Variants in MACROD1 observed in about 807,000 individuals in gnomAD.
MACROD1 encodes the protein ADP-ribose glycohydrolase MACROD1.
Under a neutral mutation model 41.4 loss-of-function variants are expected in MACROD1, and 31 were observed. The ratio of observed to expected loss-of-function variants is 0.75; its 90% CI spans 0.56 to 1.01. The LOEUF (loss-of-function observed/expected upper bound fraction) is 1.01, where lower values mean the gene tolerates loss of function less well. Ranked by LOEUF, MACROD1 falls within the 50% of genes least tolerant of loss-of-function variation. The pLI is 0.00. For synonymous variants in MACROD1, 252 were observed against 203.4 expected (o/e 1.24, Z -2.03); for missense variants, 473 against 460.0 (o/e 1.03, Z -0.26).
At chr11:64,097,902 C>A (rs1261745693) in intron 3 of MACROD1, among the ~76,000 whole-genome samples, 1 of 152,136 alleles carries the variant, frequency 6.6e-6, no homozygotes, top group Non-Finnish European at 1.5e-5. Context: ...TGGTGGTGCT[C>A]CTGGGAGCAC....
intron 3 of MACROD1, among the ~76,000 whole-genome samples, chr11:64,113,029 G>A (rs553231535): frequency 9.2e-5 from 14 of 152,310 alleles, no homozygotes; most frequent in African/African-American, 3.4e-4. Context: ...TCACCAAATG[G>A]TGTGACCTGC....
intron 3 of MACROD1, among the ~76,000 whole-genome samples, chr11:64,119,679 T>C (rs1358229390): frequency 1.3e-5 from 2 of 152,092 alleles, no homozygotes; most frequent in African/African-American, 4.8e-5. Context: ...CTCTGTTTCT[T>C]GAGAGGGAGA....
At chr11:63,999,310 T>C (rs1313713907) in intron 8 of MACROD1, 21 bp downstream of exon 8, 5 of 1,552,496 alleles carry the variant, frequency 3.2e-6, no homozygotes, top group Non-Finnish European at 3.5e-6. Context: ...GACCCCACCC[T>C]CGCCCGGGCC....
chr11:64,142,548 A>G (rs1034556260), intron 3 of MACROD1, among the ~76,000 whole-genome samples: 3 of 152,172 alleles, frequency 2.0e-5, no homozygotes, highest in African/African-American at 7.2e-5. Flanking sequence ...CCCCCAGCCA[A>G]TGCTCCACTC....
intron 3 of MACROD1, among the ~76,000 whole-genome samples, chr11:64,026,363 C>T (rs1164357379): frequency 6.6e-6 from 1 of 152,120 alleles, no homozygotes; most frequent in Non-Finnish European, 1.5e-5. Flanking sequence ...GGTGGAACTA[C>T]CCCACGCCCA....
intron 1 of MACROD1, among the ~76,000 whole-genome samples, chr11:64,161,804 T>C (rs1945760430): frequency 1.4e-5 from 2 of 142,080 alleles, no homozygotes; most frequent in South Asian, 4.7e-4. Flanking sequence ...AGCCCATGGC[T>C]CACACCTGTA....
chr11:64,159,569 C>T (rs899972832), intron 1 of MACROD1, among the ~76,000 whole-genome samples: 3 of 151,514 alleles, frequency 2.0e-5, no homozygotes, highest in Non-Finnish European at 4.4e-5. Flanking sequence ...CCAAGGCGGG[C>T]GGATCACCTG....
chr11:64,033,105 G>A (rs1243524063), intron 3 of MACROD1, among the ~76,000 whole-genome samples: 1 of 152,156 alleles, frequency 6.6e-6, no homozygotes, highest in Non-Finnish European at 1.5e-5. Flanking sequence ...TGTCAAAATC[G>A]ACTTGGCCCT....
rs1943377432 is a variant in MACROD1, at chr11:64,036,228, GCGGGGGC to G, written c.518-20954_518-20948del. 6.6e-6 allele frequency: 1 copy of G among 152,234 alleles called. No homozygotes were observed. The highest frequency in any genetic ancestry group is 1.5e-5 in the Non-Finnish European group (1 of 68,064). 9.4% of individuals were successfully genotyped at this position (152,234 alleles called of 1,614,324 possible). ...GGGACAGGGCGCCAGAGCCGACGGG[GCGGGGGC>G]CGGGGGCCCGGGGGCACCGAAGCGC... On this transcript the variant is annotated intron_variant, in intron 3 of 10. Transcript: ENST00000255681. This position sits in a 1 kb window ranked among gnomAD's most constrained non-coding sequence, Gnocchi z 5.6.
intron 3 of MACROD1, among the ~76,000 whole-genome samples, chr11:64,083,992 C>T (rs1364623360): frequency 2.3e-5 from 2 of 85,150 alleles, no homozygotes; most frequent in Non-Finnish European, 5.3e-5. Flanking sequence ...ACAACTGGAA[C>T]ACGTGCTGGG....
chr11:64,158,788 C>CGACT (rs1945708256), intron 1 of MACROD1, among the ~76,000 whole-genome samples: 1 of 152,216 alleles, frequency 6.6e-6, no homozygotes, highest in Non-Finnish European at 1.5e-5. Context: ...CAACCTAAGT[C>CGACT]CCTCATGCCC....
intron 3 of MACROD1, among the ~76,000 whole-genome samples, chr11:64,027,730 T>TGCCAG (rs1943240358): frequency 6.6e-6 from 1 of 152,060 alleles, no homozygotes; most frequent in Non-Finnish European, 1.5e-5. Flanking sequence ...CCCCAGACGC[T>TGCCAG]GCCTGTAAGC....
At chr11:64,085,188 C>T (rs1047926274) in intron 3 of MACROD1, among the ~76,000 whole-genome samples, 13 of 152,122 alleles carry the variant, frequency 8.5e-5, no homozygotes, top group South Asian at 2.1e-4. Context: ...TGGAGGAGCA[C>T]GCCCGAGTGG....
chr11:64,120,931 C>G lies in MACROD1; in HGVS notation c.517+30308G>C, dbSNP rs1945087591. On this transcript the variant is annotated intron_variant, in intron 3 of 10. Coordinates refer to ENST00000255681, the MANE Select transcript of MACROD1 (RefSeq NM_014067.4). This position sits in a 1 kb window ranked among gnomAD's most constrained non-coding sequence, Gnocchi z 4.5. ...CACGGTGCTGCCAGCACACTGTCCC[C>G]ACCTCACCTAGGTCCCCCTGTCTCC... Among the ~76,000 whole-genome samples the G allele has an allele frequency of 6.6e-6, 1 of 152,184 alleles. No homozygotes were observed. Among genetic ancestry groups the G allele is most frequent in the African/African-American group, 2.4e-5 (1 of 41,452 alleles).
chr11:64,010,867 TTTGC>T (rs1943002190), intron 4 of MACROD1, among the ~76,000 whole-genome samples: 1 of 142,662 alleles, frequency 7.0e-6, no homozygotes, highest in Non-Finnish European at 1.5e-5. Flanking sequence ...GGTTGGGGTG[TTTGC>T]TGGTGTATTG....
intron 1 of MACROD1, among the ~76,000 whole-genome samples, chr11:64,161,192 C>T (rs1401454769): frequency 6.6e-6 from 1 of 152,020 alleles, no homozygotes; most frequent in Non-Finnish European, 1.5e-5. Context: ...CCAAACAAAA[C>T]AACAAAAGAG....
intron 1 of MACROD1, among the ~76,000 whole-genome samples, chr11:64,158,778 C>A (rs1018548046): frequency 6.6e-6 from 1 of 152,208 alleles, no homozygotes; most frequent in African/African-American, 2.4e-5. Flanking sequence ...GACAAGGGCC[C>A]AACCTAAGTC....
chr11:64,154,944 C>A (rs1945644547), intron 1 of MACROD1, among the ~76,000 whole-genome samples: 1 of 152,200 alleles, frequency 6.6e-6, no homozygotes, highest in Non-Finnish European at 1.5e-5. Flanking sequence ...GACTTGAACT[C>A]CTGACCTCAA....
chr11:64,010,737 TG>T (rs1234000018), intron 4 of MACROD1, among the ~76,000 whole-genome samples: 3 of 148,186 alleles, frequency 2.0e-5, no homozygotes, highest in African/African-American at 5.0e-5. Context: ...GTTGGCATGT[TG>T]GTTGGGGTGT....
Sources: gnomAD v4.1 joint callset for allele counts (sites outside exome capture counted in the v4.1 genomes callset) on GRCh38, gnomAD v4.1.1 for gene constraint, Gnocchi (gnomAD v3.1) non-coding constraint, MANE v1.5 for transcripts, NCBI Gene and HGNC (gene_info 2026-07-23, HGNC 2026-07-21) for gene names.